Variants in CPB1 observed in about 807,000 individuals in gnomAD.
CPB1 encodes carboxypeptidase B1.
In CPB1, 53 loss-of-function variants were observed where a neutral mutation model predicts 51.4. The ratio of observed to expected loss-of-function variants is 1.03; its 90% CI spans 0.83 to 1.30. The LOEUF is 1.30. Among genes scored for constraint, CPB1 ranks in the 50% most tolerant of loss-of-function variants. The pLI, the probability that CPB1 is intolerant of heterozygous loss-of-function variation, is 0.00. For synonymous variants in CPB1, 189 were observed against 186.9 expected (o/e 1.01, Z -0.09); for missense variants, 494 against 516.2 (o/e 0.96, Z 0.42).
In CPB1 at chr3:148,844,756, C is replaced by T; in HGVS notation, c.767C>T (p.Ala256Val). 4 of 1,613,740 alleles carry T rather than the reference C, an allele frequency of 2.5e-6. No individual in the cohort carries two copies. Among genetic ancestry groups the T allele is most frequent in the Non-Finnish European group, 3.4e-6 (4 of 1,179,696 alleles). Residue 256 changes from alanine to valine, a missense_variant, in exon 8 of 11, where the codon GCT (alanine) becomes GTT (valine). Physicochemically the swap from Ala to Val is moderately conservative, Grantham distance 64. Transcript: ENST00000282957. ...ACAGACCCCAACAGAAATTTTGATG[C>T]TGGTTGGTGTGGTAAGTATCTGGCT... ...IGTDPNRNFD[A>V]GWCEIGASRN...
At chr3:148,833,576 A>G (rs1559956363) in intron 2 of CPB1, among the ~76,000 whole-genome samples, 1 of 152,136 alleles carries the variant, frequency 6.6e-6, no homozygotes, top group Non-Finnish European at 1.5e-5. Flanking sequence ...AGATTGGCTG[A>G]GACACAGGGA....
intron 6 of CPB1, 25 bp from the exon 7 acceptor site, chr3:148,844,453 A>T (rs777875530): frequency 6.4e-7 from 1 of 1,551,988 alleles, no homozygotes; most frequent in Non-Finnish European, 8.9e-7. Context: ...TTTCCATGAA[A>T]TTCCTCTTCA....
intron 6 of CPB1, among the ~76,000 whole-genome samples, chr3:148,843,160 C>T (rs918675025): frequency 6.6e-5 from 10 of 152,086 alleles, no homozygotes; most frequent in African/African-American, 1.2e-4. Flanking sequence ...AGTGGATAAA[C>T]TTGTGAAATC....
In CPB1 at chr3:148,859,851, A is replaced by G. The variant is rs1170075914; in HGVS notation, c.1103A>G (p.Asp368Gly). Residue 368 changes from aspartate to glycine, a missense_variant, in exon 11 of 11, where the codon GAC (aspartate) becomes GGC (glycine). Coordinates refer to ENST00000282957, the MANE Select transcript of CPB1 (RefSeq NM_001871.3). ...AAGGSDDWAY[D>G]QGIRYSFTFE... The stretch of plus-strand genomic sequence containing the variant: ...GGGGGCTCTGACGACTGGGCTTATG[A>G]CCAAGGAATCAGATATTCCTTCACC... The G allele has an allele frequency of 6.2e-7, 1 of 1,613,918 alleles. No individual in the cohort carries two copies. Among genetic ancestry groups the G allele is most frequent in the African/African-American group, 1.3e-5 (1 of 74,908 alleles).
intron 2 of CPB1, among the ~76,000 whole-genome samples, chr3:148,830,744 A>C (rs915277921): frequency 1.1e-4 from 16 of 152,178 alleles, no homozygotes; most frequent in African/African-American, 3.6e-4. Flanking sequence ...CAGTAGTAAT[A>C]GAATAAACAA....
intron 2 of CPB1, among the ~76,000 whole-genome samples, chr3:148,829,837 A>T (rs1372955522): frequency 1.3e-5 from 2 of 152,280 alleles, no homozygotes; most frequent in Admixed American, 1.3e-4. Flanking sequence ...TTAAGCACTG[A>T]AGAGATTCAT....
intron 9 of CPB1, chr3:148,855,226 A>G (rs1320090553): frequency 6.6e-6 from 1 of 152,228 alleles, no homozygotes; most frequent in African/African-American, 2.4e-5. Context: ...TGAGAGAGCA[A>G]CTGAGGACAA....
At chr3:148,843,554 T>G (rs1350952192) in intron 6 of CPB1, among the ~76,000 whole-genome samples, 2 of 152,062 alleles carry the variant, frequency 1.3e-5, no homozygotes, top group Admixed American at 1.3e-4. Context: ...ATTTTTCCAA[T>G]TTGTAGACCA....
At chr3:148,853,803 G>A (rs763324785) in intron 9 of CPB1, among the ~76,000 whole-genome samples, 3 of 152,190 alleles carry the variant, frequency 2.0e-5, no homozygotes, top group Non-Finnish European at 4.4e-5. Context: ...CCACTTATGG[G>A]GCTGTGTGCC....
chr3:148,839,441 C>T (rs974907379), intron 3 of CPB1, among the ~76,000 whole-genome samples: 10 of 152,198 alleles, frequency 6.6e-5, no homozygotes, highest in African/African-American at 2.2e-4. Flanking sequence ...AAAACTAATA[C>T]ACTCACAAAG....
chr3:148,834,526 C>T lies in CPB1; in HGVS notation c.176C>T (p.Thr59Ile). 1 of 1,613,636 alleles carries T rather than the reference C, an allele frequency of 6.2e-7. No individual in the cohort carries two copies. Among genetic ancestry groups the T allele is most frequent in the Non-Finnish European group, 8.5e-7 (1 of 1,179,562 alleles). ...GACTTCTGGAAGCCAGATTCTGTCA[C>T]ACAAATCAAACCTCACAGTACAGTT... Reference protein sequence around the residue: ...QIDFWKPDSVTQIKPHSTVDF... With the variant: ...QIDFWKPDSVIQIKPHSTVDF... Residue 59 changes from threonine to isoleucine, a missense_variant, in exon 3 of 11, where the codon ACA (threonine) becomes ATA (isoleucine). Physicochemically the swap from Thr to Ile is moderately conservative, Grantham distance 89 (BLOSUM62 -1). Transcript: ENST00000282957.
intron 3 of CPB1, among the ~76,000 whole-genome samples, chr3:148,837,974 C>G (rs939902757): frequency 5.9e-5 from 9 of 152,108 alleles, no homozygotes; most frequent in African/African-American, 1.9e-4. Context: ...CTCGGCCAGG[C>G]GAGGTGGCTC....
intron 3 of CPB1, chr3:148,838,551 G>GT (rs1712979059): frequency 6.6e-6 from 1 of 152,068 alleles, no homozygotes; most frequent in Middle Eastern, 3.4e-3. Flanking sequence ...TCTGTTTTTA[G>GT]TTTTTTGTTA....
At chr3:148,839,770 G>A (rs564069438) in intron 3 of CPB1, among the ~76,000 whole-genome samples, 1 of 152,290 alleles carries the variant, frequency 6.6e-6, no homozygotes, top group East Asian at 1.9e-4. Flanking sequence ...CTGTATGTCA[G>A]ATAAAATCAT....
Position 148,845,625 on chromosome 3 carries a change from T to G in CPB1, c.980T>G (p.Leu327Trp), listed in dbSNP as rs1226704681. The G allele has an allele frequency of 1.2e-6, 2 of 1,610,616 alleles. No individual in the cohort carries two copies. Among genetic ancestry groups the G allele is most frequent in the Admixed American group, 3.3e-5 (2 of 59,974 alleles). ...AAACTCGGTGAGAACAATGCTGAGT[T>G]GGTAAGTAGCAAAGTAGTAGGTATG... ...AYKLGENNAE[L>W]NALAKATVKE... The change falls in exon 9 of 11, where the codon TTG becomes TGG. Residue 327 changes from leucine to tryptophan, a missense_variant and splice_region_variant. Coordinates refer to ENST00000282957, the MANE Select transcript of CPB1 (RefSeq NM_001871.3).
chr3:148,833,517 C>A (rs1292267070), intron 2 of CPB1, among the ~76,000 whole-genome samples: 2 of 152,112 alleles, frequency 1.3e-5, no homozygotes, highest in East Asian at 3.8e-4. Flanking sequence ...CTAAATATCA[C>A]CATCAGACAT....
intron 9 of CPB1, among the ~76,000 whole-genome samples, chr3:148,848,859 A>C (rs1713332929): frequency 6.6e-6 from 1 of 152,210 alleles, no homozygotes; most frequent in African/African-American, 2.4e-5. Context: ...GAGCAGTAGA[A>C]AGTAGATGGA....
intron 9 of CPB1, chr3:148,855,899 A>G (rs1713557343): frequency 6.6e-6 from 1 of 152,342 alleles, no homozygotes; most frequent in East Asian, 1.9e-4. Context: ...ATGTTTACCT[A>G]CAAAAAGAAC....
At chr3:148,858,397 C>T (rs1713648645) in intron 10 of CPB1, among the ~76,000 whole-genome samples, 1 of 151,956 alleles carries the variant, frequency 6.6e-6, no homozygotes, top group African/African-American at 2.4e-5. Flanking sequence ...ATGGTGAAAC[C>T]CCACCTCTAC....
Sources: gnomAD v4.1 joint callset for allele counts (sites outside exome capture counted in the v4.1 genomes callset) on GRCh38, gnomAD v4.1.1 for gene constraint, MANE v1.5 for transcripts, NCBI Gene and HGNC (gene_info 2026-07-23, HGNC 2026-07-21) for gene names.